Variants in CHMP4C observed in about 807,000 individuals in gnomAD.
The protein encoded by CHMP4C is charged multivesicular body protein 4C, also known as SNF7 homolog associated with Alix 3.
CHMP4C carries 28 observed loss-of-function variants against 29.0 expected under a neutral mutation model. The ratio of observed to expected loss-of-function variants is 0.97; its 90% CI spans 0.72 to 1.32. The LOEUF is 1.32. CHMP4C is among the 40% of genes most tolerant of loss of function. CHMP4C has a pLI of 0.00. For missense variants in CHMP4C, 291 were observed against 281.0 expected (o/e 1.04, Z -0.25); for synonymous variants, 106 against 102.4 (o/e 1.04, Z -0.21).
intron 1 of CHMP4C, among the ~76,000 whole-genome samples, chr8:81,737,263 T>G (rs1808703580): frequency 6.6e-6 from 1 of 152,246 alleles, no homozygotes; most frequent in South Asian, 2.1e-4. Context: ...TATAATTGAC[T>G]GGAGTGGGGA....
chr8:81,733,317 C>T (rs6998845), intron 1 of CHMP4C, among the ~76,000 whole-genome samples: 5,077 of 152,134 alleles, frequency 0.033, 127 homozygotes, highest in Non-Finnish European at 0.051. Context: ...TTTCGCACCC[C>T]TGTAAATTTT....
Position 81,740,521 on chromosome 8 carries a change from C to T in CHMP4C, c.190+7705C>T, listed in dbSNP as rs1054170619. Reference sequence around the variant, plus strand: ...GCCCAGTTCCTAACAGGACATGAACCGGGGTTTGGGAACCCCCGGAGCTAA... The same window carrying T: ...GCCCAGTTCCTAACAGGACATGAACTGGGGTTTGGGAACCCCCGGAGCTAA... On this transcript the variant is annotated intron_variant, in intron 1 of 4. Coordinates refer to ENST00000297265, the MANE Select transcript of CHMP4C (RefSeq NM_152284.4). 8.5e-5 allele frequency among the ~76,000 whole-genome samples: 13 copies of T among 152,290 alleles called. No individual in the cohort carries two copies. In the East Asian group the frequency reaches 9.6e-4, roughly 11 times the overall value.
intron 1 of CHMP4C, among the ~76,000 whole-genome samples, chr8:81,746,226 G>C (rs1176048554): frequency 1.3e-5 from 2 of 152,196 alleles, no homozygotes. Flanking sequence ...CCATGCAGAA[G>C]TTACTGGTTT....
At position 81,758,476 on chromosome 8, in the gene CHMP4C, C is replaced by A. The variant is rs950476491; in HGVS notation, c.638-4C>A. 2 of 1,609,978 alleles carry A rather than the reference C, an allele frequency of 1.2e-6. No homozygotes were observed. The highest frequency in any genetic ancestry group is 1.3e-5 in the African/African-American group (1 of 74,898). ...TACTAATTTTTATCTATTTTATGTTCCAGCATCTTCCCAGAGGGCAGAAGA... is the reference window on the plus strand; with the variant it reads ...TACTAATTTTTATCTATTTTATGTTACAGCATCTTCCCAGAGGGCAGAAGA... On this transcript the variant is annotated splice_region_variant and splice_polypyrimidine_tract_variant and intron_variant, in intron 4 of 4. Coordinates refer to ENST00000297265, the MANE Select transcript of CHMP4C (RefSeq NM_152284.4).
chr8:81,733,012 G>A (rs1270164570), intron 1 of CHMP4C, 196 bp downstream of exon 1: 1 of 426,388 alleles, frequency 2.3e-6, no homozygotes. Flanking sequence ...AAAATGTAAG[G>A]GGCCGCCAAA....
At position 81,732,900 on chromosome 8, in the gene CHMP4C, C is replaced by A; in HGVS notation, c.190+84C>A. ...GACAATCGGCCCACACCACTGAGGT[C>A]CCCAGGTGGCCAGGTTTGCTCCTGC... On this transcript the variant is annotated intron_variant, in intron 1 of 4. Transcript: ENST00000297265. 5.3e-6 allele frequency: 7 copies of A among 1,308,552 alleles called. No individual in the cohort carries two copies. The South Asian group carries it at 1.0e-4, about 19-fold the overall frequency. 81.1% of individuals were successfully genotyped at this position (1,308,552 alleles called of 1,614,324 possible).
At chr8:81,755,572 C>A in intron 3 of CHMP4C, 88 bp downstream of exon 3, 1 of 650,074 alleles carries the variant, frequency 1.5e-6, no homozygotes, top group Non-Finnish European at 2.7e-6. Flanking sequence ...TCCCTTACTA[C>A]TGAAAGAACA....
At chr8:81,739,639 C>G (rs1808739418) in intron 1 of CHMP4C, among the ~76,000 whole-genome samples, 1 of 152,208 alleles carries the variant, frequency 6.6e-6, no homozygotes, top group Admixed American at 6.5e-5. Flanking sequence ...GGCACCTAGC[C>G]CTGGGAACCC....
At chr8:81,751,243 T>C (rs1808899349) in intron 1 of CHMP4C, among the ~76,000 whole-genome samples, 2 of 152,102 alleles carry the variant, frequency 1.3e-5, no homozygotes, top group South Asian at 4.1e-4. Flanking sequence ...CAATATAGAA[T>C]ACAAGAAGCA....
intron 1 of CHMP4C, among the ~76,000 whole-genome samples, chr8:81,752,386 T>G (rs775870722): frequency 1.3e-5 from 2 of 152,168 alleles, no homozygotes; most frequent in Non-Finnish European, 2.9e-5. Flanking sequence ...AGTTAGGTTA[T>G]CTTGTTAAAA....
rs1808630550 is a variant in CHMP4C, at chr8:81,732,516, T to C, written c.-111T>C. The C allele has an allele frequency of 1.1e-5, 8 of 747,468 alleles. No individual in the cohort carries two copies. Among genetic ancestry groups the C allele is most frequent in the Non-Finnish European group, 1.7e-5 (8 of 464,426 alleles). 46.3% of individuals were successfully genotyped at this position (747,468 alleles called of 1,614,324 possible). A position where few individuals can be genotyped will look rare whatever the true frequency, so the allele number is the denominator to read the frequency against. On this transcript the variant is annotated 5_prime_UTR_variant, in exon 1 of 5. Transcript: ENST00000297265. Reference sequence around the variant, plus strand: ...CTTGTTGATTCCCAGGAGGGCCGCCTTTCCGGTCTGGGTCCCCGAGAGGAC... The same window carrying C: ...CTTGTTGATTCCCAGGAGGGCCGCCCTTCCGGTCTGGGTCCCCGAGAGGAC...
intron 1 of CHMP4C, among the ~76,000 whole-genome samples, chr8:81,741,600 G>T (rs7842738): frequency 6.6e-6 from 1 of 151,852 alleles, no homozygotes; most frequent in African/African-American, 2.4e-5. Context: ...TGGCTTTGGG[G>T]GTCAGCTTTG....
At chr8:81,757,509 C>G (rs1402236862) in intron 3 of CHMP4C, among the ~76,000 whole-genome samples, 1 of 152,144 alleles carries the variant, frequency 6.6e-6, no homozygotes, top group Non-Finnish European at 1.5e-5. Context: ...TTTAAGGTCT[C>G]AAACTAGCCT....
rs1175281141 is a variant in CHMP4C, at chr8:81,759,274, A to T, written c.*730A>T. The T allele has an allele frequency of 6.6e-6, 1 of 152,584 alleles. No homozygotes were observed. Among genetic ancestry groups the T allele is most frequent in the Non-Finnish European group, 1.5e-5 (1 of 68,020 alleles). The allele number at this position is 152,584 out of a possible 1,614,324, so 9.5% of individuals were successfully genotyped here. A position where few individuals can be genotyped will look rare whatever the true frequency, so the allele number is the denominator to read the frequency against. On this transcript the variant is annotated 3_prime_UTR_variant, in exon 5 of 5. Transcript: ENST00000297265. ...TGGGGCAATGGATGCATTTCCCAAAACGTGTGAAAGCACTAACAGCTTATA... is the reference window on the plus strand; with the variant it reads ...TGGGGCAATGGATGCATTTCCCAAATCGTGTGAAAGCACTAACAGCTTATA...
intron 1 of CHMP4C, among the ~76,000 whole-genome samples, chr8:81,739,974 G>A (rs1260887924): frequency 6.6e-6 from 1 of 152,128 alleles, no homozygotes; most frequent in Admixed American, 6.5e-5. Context: ...TCTATTAAAT[G>A]TCCTCTTATT....
At chr8:81,755,601 G>A in intron 3 of CHMP4C, 117 bp downstream of exon 3, 1 of 553,178 alleles carries the variant, frequency 1.8e-6, no homozygotes, top group Non-Finnish European at 3.3e-6. Flanking sequence ...TTGTAAGAAA[G>A]GTACTTCTCT....
chr8:81,753,930 A>G (rs1240393796), intron 2 of CHMP4C, among the ~76,000 whole-genome samples: 1 of 152,036 alleles, frequency 6.6e-6, no homozygotes, highest in Non-Finnish European at 1.5e-5. Flanking sequence ...GTGAGCACTC[A>G]ATAATTAATA....
rs769074685 is a variant in CHMP4C at position 81,758,548 on chromosome 8, A to G, written c.*4A>G. 4 of 1,595,336 alleles carry G rather than the reference A, an allele frequency of 2.5e-6. No homozygotes were observed. The highest frequency in any genetic ancestry group is 3.3e-5 in the Admixed American group (2 of 59,926). On this transcript the variant is annotated 3_prime_UTR_variant, in exon 5 of 5. Coordinates refer to ENST00000297265, the MANE Select transcript of CHMP4C (RefSeq NM_152284.4). The stretch of plus-strand genomic sequence containing the variant: ...ATTGGCAGCTTGGGCTACCTAAACT[A>G]AAACACATTTTTGATACCTAAATTA...
chr8:81,755,465 T>C lies in CHMP4C; in HGVS notation c.464T>C (p.Phe155Ser). 6.2e-7 allele frequency: 1 copy of C among 1,610,482 alleles called. No individual in the cohort carries two copies. Among genetic ancestry groups the C allele is most frequent in the Non-Finnish European group, 8.5e-7 (1 of 1,177,246 alleles). ...GAAGCATTTTCTCAACGGGTTGGCT[T>C]TGGTGATGACTTTGATGAGGTACGT... Reference protein sequence around the residue: ...ISEAFSQRVGFGDDFDEDELM... With the variant: ...ISEAFSQRVGSGDDFDEDELM... The change falls in exon 3 of 5, where the codon TTT becomes TCT. Residue 155 changes from phenylalanine (F) to serine (S), a missense_variant. By Grantham distance (155) the Phe-to-Ser change is radical (BLOSUM62 -2). Transcript: ENST00000297265.
Sources: gnomAD v4.1 joint callset for allele counts (sites outside exome capture counted in the v4.1 genomes callset) on GRCh38, gnomAD v4.1.1 for gene constraint, MANE v1.5 for transcripts, NCBI Gene and HGNC (gene_info 2026-07-23, HGNC 2026-07-21) for gene names.